The following GPHN variants were observed in gnomAD, a reference collection of about 807,000 sequenced individuals.
GPHN encodes gephyrin.
In GPHN, 17 loss-of-function variants were observed where a neutral mutation model predicts 95.5. The observed-to-expected ratio is 0.18, with a 90% CI of 0.12 to 0.27. GPHN has a LOEUF of 0.27. GPHN is among the 10% of genes least tolerant of loss of function. GPHN has a pLI of 1.00. For synonymous variants in GPHN, 320 were observed against 322.5 expected, an observed-to-expected ratio of 0.99 and a Z score of 0.08; for missense variants, 660 against 978.1, an observed-to-expected ratio of 0.67 and a Z score of 4.34.
At chr14:66,822,381 G>C (rs1408382645) in intron 3 of GPHN, among the ~76,000 whole-genome samples, 1 of 152,162 alleles carries the variant, frequency 6.6e-6, no homozygotes. Context: ...AGAATTACCT[G>C]GGAAGCTTTT....
intron 3 of GPHN, among the ~76,000 whole-genome samples, chr14:66,781,310 C>T (rs1407525961): frequency 1.3e-5 from 2 of 151,894 alleles, no homozygotes; most frequent in South Asian, 2.1e-4. Context: ...TCTACCTCCC[C>T]GGTTCAAGCA....
intron 8 of GPHN, among the ~76,000 whole-genome samples, chr14:66,948,379 T>C (rs1338552627): frequency 6.6e-6 from 1 of 152,216 alleles, no homozygotes; most frequent in Non-Finnish European, 1.5e-5. Context: ...GTTTGCCATC[T>C]AAGTGGTTTT....
intron 9 of GPHN, among the ~76,000 whole-genome samples, chr14:67,006,104 C>A (rs1216115024): frequency 6.6e-6 from 1 of 151,992 alleles, no homozygotes; most frequent in East Asian, 1.9e-4. Flanking sequence ...TAATAGGTTA[C>A]TTGTTCTAAC....
chr14:66,803,803 T>C (rs1262934979), intron 3 of GPHN, among the ~76,000 whole-genome samples: 1 of 152,146 alleles, frequency 6.6e-6, no homozygotes, highest in African/African-American at 2.4e-5. Flanking sequence ...CCCTTTTACC[T>C]GTGTTTGCAT....
chr14:67,376,609 C>T, the GPHN span: 1 of 1,608,112 alleles, frequency 6.2e-7, no homozygotes, highest in Non-Finnish European at 8.5e-7. Flanking sequence ...ACCTTCTTGA[C>T]TCTCCTTCTA....
At chr14:66,688,905 G>T (rs1180613263) in intron 2 of GPHN, among the ~76,000 whole-genome samples, 2 of 150,364 alleles carry the variant, frequency 1.3e-5, no homozygotes, top group African/African-American at 4.9e-5. Context: ...CACACACCGG[G>T]GCCTGTCGGG....
rs529965501 is a variant in GPHN, at chr14:66,654,927, A to G, written c.65-26180A>G. Among the ~76,000 whole-genome samples the G allele has an allele frequency of 3.9e-5, 6 of 152,262 alleles. No individual in the cohort carries two copies. The South Asian group carries it at 1.2e-3, about 32-fold the overall frequency. ...TACTTATGTGTAAAATCGGTTGGGCATATTTGTGTGGGGTCTATTCCTGGT... is the reference window on the plus strand; with the variant it reads ...TACTTATGTGTAAAATCGGTTGGGCGTATTTGTGTGGGGTCTATTCCTGGT... On this transcript the variant is annotated intron_variant, in intron 1 of 22. Coordinates refer to ENST00000478722, the MANE Select transcript of GPHN (RefSeq NM_020806.5).
In GPHN at chr14:67,141,116, T is replaced by C. The variant is rs188242193; in HGVS notation, c.1749-2246T>C. ...CTATGTTGGTAGGCTGAACCTTATA[T>C]GAGCCATTTTTCAAACTTTTACTTT... On this transcript the variant is annotated intron_variant, in intron 17 of 22. Coordinates refer to ENST00000478722, the MANE Select transcript of GPHN (RefSeq NM_020806.5). 3.9e-3 allele frequency among the ~76,000 whole-genome samples: 590 copies of C among 152,286 alleles called. 5 individuals carry two copies. Among genetic ancestry groups the C allele is most frequent in the African/African-American group, 0.014 (567 of 41,574 alleles).
At chr14:66,794,573 C>T (rs1011567384) in intron 3 of GPHN, among the ~76,000 whole-genome samples, 1 of 152,140 alleles carries the variant, frequency 6.6e-6, no homozygotes, top group Non-Finnish European at 1.5e-5. Context: ...TTGCATACTT[C>T]TATAAAAAGG....
chr14:66,748,572 G>A (rs1229857039), intron 2 of GPHN, among the ~76,000 whole-genome samples: 1 of 151,892 alleles, frequency 6.6e-6, no homozygotes, highest in Non-Finnish European at 1.5e-5. Context: ...TGTTGGTGTT[G>A]TATATTCCAT....
the GPHN span, among the ~76,000 whole-genome samples, chr14:67,685,749 G>A: frequency 6.6e-6 from 1 of 151,920 alleles, no homozygotes; most frequent in African/African-American, 2.4e-5. Context: ...CCAAGTAGCT[G>A]GGACTACAGG....
At chr14:67,591,856 T>G in the GPHN span, 1 of 151,058 alleles carries the variant, frequency 6.6e-6, no homozygotes, top group Non-Finnish European at 1.5e-5. Context: ...TTTTTTTTTG[T>G]AAGAGCAAAA....
chr14:67,566,896 G>A, the GPHN span, among the ~76,000 whole-genome samples: 5 of 152,098 alleles, frequency 3.3e-5, no homozygotes, highest in African/African-American at 7.2e-5. Context: ...ATCAGATGAC[G>A]TTCTCCCCAG....
chr14:67,727,233 C>A, the GPHN span: 1 of 1,512,080 alleles, frequency 6.6e-7, no homozygotes, highest in South Asian at 1.2e-5. Flanking sequence ...GTCCTCAGAC[C>A]AAATTAGAGG....
intron 1 of GPHN, among the ~76,000 whole-genome samples, chr14:66,515,335 C>T (rs943470800): frequency 3.3e-5 from 5 of 151,988 alleles, no homozygotes; most frequent in Admixed American, 3.3e-4. Flanking sequence ...TTTAGGTAAA[C>T]CAGAACTTGG....
the GPHN span, among the ~76,000 whole-genome samples, chr14:67,670,777 A>C: frequency 2.0e-5 from 3 of 152,100 alleles, no homozygotes; most frequent in Non-Finnish European, 4.4e-5. Flanking sequence ...CCGCCCGCCT[A>C]GGCCTCCCAA....
the GPHN span, among the ~76,000 whole-genome samples, chr14:67,618,870 A>C: frequency 2.6e-5 from 4 of 152,220 alleles, no homozygotes; most frequent in Non-Finnish European, 4.4e-5. Flanking sequence ...ACTCCTTTGG[A>C]GTTATGGTGT....
the GPHN span, among the ~76,000 whole-genome samples, chr14:67,601,960 A>G: frequency 6.6e-6 from 1 of 150,810 alleles, no homozygotes; most frequent in Non-Finnish European, 1.5e-5. Flanking sequence ...CTTCATCTTC[A>G]TTCAGAATTT....
the GPHN span, among the ~76,000 whole-genome samples, chr14:67,438,288 G>C: frequency 6.6e-6 from 1 of 152,232 alleles, no homozygotes; most frequent in African/African-American, 2.4e-5. Flanking sequence ...CCAGGAACCT[G>C]GCAAGCAGGG....
Sources: gnomAD v4.1 joint callset for allele counts (sites outside exome capture counted in the v4.1 genomes callset) on GRCh38, gnomAD v4.1.1 for gene constraint, MANE v1.5 for transcripts, NCBI Gene and HGNC (gene_info 2026-07-23, HGNC 2026-07-21) for gene names.